Variants in IQCJ observed in about 807,000 individuals in gnomAD.
The protein encoded by IQCJ is IQ motif containing J.
Under a neutral mutation model 11.0 loss-of-function variants are expected in IQCJ, and 9 were observed. The observed-to-expected ratio is 0.82, with a 90% CI of 0.49 to 1.43. IQCJ has a LOEUF of 1.43. Among genes scored for constraint, IQCJ ranks in the 40% most tolerant of loss-of-function variants. The pLI is 0.00. For missense variants in IQCJ, 146 were observed against 133.2 expected, an observed-to-expected ratio of 1.10 and a Z score of -0.47; for synonymous variants, 55 against 51.3, an observed-to-expected ratio of 1.07 and a Z score of -0.31.
intron 3 of IQCJ, among the ~76,000 whole-genome samples, chr3:159,256,929 C>A (rs557143683): frequency 6.6e-6 from 1 of 152,052 alleles, no homozygotes; most frequent in Non-Finnish European, 1.5e-5. Context: ...TGACTTCTTG[C>A]AGGGGTTACA....
intron 1 of IQCJ, among the ~76,000 whole-genome samples, chr3:159,225,920 G>A (rs1021084860): frequency 3.3e-5 from 5 of 152,120 alleles, no homozygotes; most frequent in Non-Finnish European, 7.3e-5. Context: ...TTTGATATTT[G>A]CTGTTACAGC....
intron 1 of IQCJ, among the ~76,000 whole-genome samples, chr3:159,077,890 C>T (rs778628820): frequency 1.3e-5 from 2 of 151,938 alleles, no homozygotes; most frequent in African/African-American, 2.4e-5. Context: ...AAAAATTAGT[C>T]CTTCTTGCAA....
chr3:159,222,391 TG>T (rs1366403605), intron 1 of IQCJ, among the ~76,000 whole-genome samples: 1 of 152,192 alleles, frequency 6.6e-6, no homozygotes, highest in East Asian at 1.9e-4. Context: ...TGGATGAACC[TG>T]GAGGATATCA....
chr3:159,120,606 A>T (rs1478290496), intron 1 of IQCJ, among the ~76,000 whole-genome samples: 1 of 152,202 alleles, frequency 6.6e-6, no homozygotes, highest in African/African-American at 2.4e-5. Flanking sequence ...CTGCCACATA[A>T]ATCAATGCTG....
chr3:159,258,278 A>G (rs552179055), intron 3 of IQCJ, among the ~76,000 whole-genome samples: 2 of 152,274 alleles, frequency 1.3e-5, no homozygotes, highest in South Asian at 4.1e-4. Flanking sequence ...GTCTCAGTAC[A>G]ATCCCCAGAG....
chr3:159,256,588 C>T lies in IQCJ; in HGVS notation c.155+3781C>T, dbSNP rs192264595. ...TACCTGCTGTGTGACCTTGGGAACA[C>T]CAGTGGCCTCTCTGGGCCTCAGTTG... is the stretch of plus-strand genomic sequence containing the variant. On this transcript the variant is annotated intron_variant, in intron 3 of 3. Coordinates refer to ENST00000397832, the MANE Select transcript of IQCJ (RefSeq NM_001042706.3). Among the ~76,000 whole-genome samples, 4 of 152,320 alleles carry T rather than the reference C, an allele frequency of 2.6e-5. No individual in the cohort carries two copies. The East Asian group carries it at 7.7e-4, about 29-fold the overall frequency.
At chr3:159,174,041 C>T (rs1722641025) in intron 1 of IQCJ, among the ~76,000 whole-genome samples, 1 of 152,072 alleles carries the variant, frequency 6.6e-6, no homozygotes, top group African/African-American at 2.4e-5. Flanking sequence ...GCTTTTAACT[C>T]ATTAAAATGT....
intron 1 of IQCJ, among the ~76,000 whole-genome samples, chr3:159,070,445 A>G (rs958046854): frequency 1.3e-5 from 2 of 152,146 alleles, no homozygotes; most frequent in Admixed American, 6.6e-5. Context: ...AGATACTTGC[A>G]ACACTATATT....
intron 1 of IQCJ, among the ~76,000 whole-genome samples, chr3:159,075,630 A>G (rs1470223977): frequency 6.6e-6 from 1 of 152,060 alleles, no homozygotes; most frequent in African/African-American, 2.4e-5. Flanking sequence ...TGTTTTCCTG[A>G]TTTCATTAAA....
At chr3:159,089,161 G>T (rs912970864) in intron 1 of IQCJ, among the ~76,000 whole-genome samples, 173 of 152,052 alleles carry the variant, frequency 1.1e-3, no homozygotes, top group Admixed American at 1.8e-3. Flanking sequence ...AAGTATTTTA[G>T]TTCTCCTTCA....
At chr3:159,179,641 C>T (rs2108011631) in intron 1 of IQCJ, among the ~76,000 whole-genome samples, 1 of 152,204 alleles carries the variant, frequency 6.6e-6, no homozygotes. Flanking sequence ...GACATTAGGC[C>T]AGTATCAGTT....
At chr3:159,240,777 G>A (rs1726869551) in intron 1 of IQCJ, among the ~76,000 whole-genome samples, 1 of 152,030 alleles carries the variant, frequency 6.6e-6, no homozygotes, top group Admixed American at 6.6e-5. Flanking sequence ...CTTTTTAGTA[G>A]AGAGGGGGTT....
At chr3:159,204,542 A>G (rs1025658727) in intron 1 of IQCJ, among the ~76,000 whole-genome samples, 1 of 152,230 alleles carries the variant, frequency 6.6e-6, no homozygotes, top group African/African-American at 2.4e-5. Context: ...CAAGAAGTGG[A>G]AGCTGTTAGT....
intron 1 of IQCJ, among the ~76,000 whole-genome samples, chr3:159,091,053 T>A (rs1056656230): frequency 6.6e-6 from 1 of 151,862 alleles, no homozygotes; most frequent in African/African-American, 2.4e-5. Flanking sequence ...ATATAATTAA[T>A]GTTGACCTAT....
chr3:159,151,789 C>T (rs906558577), intron 1 of IQCJ, among the ~76,000 whole-genome samples: 1 of 152,128 alleles, frequency 6.6e-6, no homozygotes, highest in African/African-American at 2.4e-5. Context: ...GTGCCTGCCA[C>T]CACGTTTGCC....
intron 1 of IQCJ, among the ~76,000 whole-genome samples, chr3:159,242,569 CTTTT>C (rs35549315): frequency 5.0e-5 from 7 of 139,832 alleles, no homozygotes; most frequent in Non-Finnish European, 7.8e-5. Context: ...CCAGCTGAAT[CTTTT>C]TTTTTTTTTT....
intron 1 of IQCJ, among the ~76,000 whole-genome samples, chr3:159,187,610 T>C (rs1723444910): frequency 6.6e-6 from 1 of 152,220 alleles, no homozygotes; most frequent in South Asian, 2.1e-4. Context: ...GTTGGAATTG[T>C]CCATGCTGTA....
intron 1 of IQCJ, among the ~76,000 whole-genome samples, chr3:159,080,328 T>C (rs1559976139): frequency 6.6e-6 from 1 of 152,182 alleles, no homozygotes; most frequent in Non-Finnish European, 1.5e-5. Context: ...GGTGTGAGAA[T>C]AAAACAGTCA....
chr3:159,223,198 CA>C (rs1725648549), intron 1 of IQCJ, among the ~76,000 whole-genome samples: 1 of 151,900 alleles, frequency 6.6e-6, no homozygotes, highest in Non-Finnish European at 1.5e-5. Flanking sequence ...TTCAGACAAC[CA>C]AAATGATGAG....
Sources: allele counts gnomAD v4.1 joint callset (sites outside exome capture counted in the v4.1 genomes callset), GRCh38; gene constraint gnomAD v4.1.1; transcripts MANE v1.5; gene names NCBI Gene and HGNC (gene_info 2026-07-23, HGNC 2026-07-21).